Variants in ONECUT3 observed in about 807,000 individuals in gnomAD.
ONECUT3 encodes the protein one cut homeobox 3, also known as one cut domain family member 3.
Under a neutral mutation model 16.8 loss-of-function variants are expected in ONECUT3, and 11 were observed. That is an observed-to-expected ratio of 0.66 (90% CI 0.41 to 1.09). ONECUT3 has a LOEUF of 1.09. ONECUT3 is among the 50% of genes least tolerant of loss of function. The pLI, the probability that ONECUT3 is intolerant of heterozygous loss-of-function variation, is 0.00. For synonymous variants in ONECUT3, 344 were observed against 310.7 expected, an observed-to-expected ratio of 1.11 and a Z score of -1.13; for missense variants, 637 against 629.9, an observed-to-expected ratio of 1.01 and a Z score of -0.12.
rs148171398 is a variant in ONECUT3, at chr19:1,760,661, G to C, written c.1192+5807G>C. Among the ~76,000 whole-genome samples, 746 of 151,952 alleles carry C rather than the reference G, an allele frequency of 4.9e-3. 5 individuals are homozygous for C. The highest frequency in any genetic ancestry group is 0.017 in the African/African-American group (713 of 41,420). ...GACTCCCAGAGAGGATGGGCGGTGG[G>C]GGGGGGCCAGGTCCCAGCCTCATCG... On this transcript the variant is annotated intron_variant, in intron 1 of 1. Coordinates refer to ENST00000382349, the MANE Select transcript of ONECUT3 (RefSeq NM_001080488.2).
In ONECUT3 at chr19:1,778,010, A is replaced by AAC. The variant is rs1429585542; in HGVS notation, c.*2566_*2567insCA. On this transcript the variant is annotated 3_prime_UTR_variant, in exon 2 of 2. Coordinates refer to ENST00000382349, the MANE Select transcript of ONECUT3 (RefSeq NM_001080488.2). ...AACTCCCTCTCAAAAAAAAAAAAAA[A>AAC]AAAAAAAACTTTAGGTCCAAGAAGA... The AAC allele has an allele frequency of 1.3e-5, 2 of 151,736 alleles. No individual in the cohort carries two copies. Among genetic ancestry groups the AAC allele is most frequent in the African/African-American group, 4.8e-5 (2 of 41,288 alleles). The allele number at this position is 151,736 out of a possible 1,614,324, so 9.4% of individuals were successfully genotyped here. A position where few individuals can be genotyped will look rare whatever the true frequency, so the allele number is the denominator to read the frequency against.
chr19:1,757,135 G>A (rs374342826), intron 1 of ONECUT3, among the ~76,000 whole-genome samples: 2 of 142,340 alleles, frequency 1.4e-5, no homozygotes, highest in South Asian at 2.1e-4. Context: ...AGTCCCATGG[G>A]GGGGGGGTGG....
chr19:1,754,249 GGTCGCCGCT>G lies in ONECUT3; in HGVS notation c.598_606del (p.Ser200_Leu202del). The G allele has an allele frequency of 4.7e-6, 5 of 1,075,132 alleles. No individual in the cohort carries two copies. The highest frequency in any genetic ancestry group is 5.6e-6 in the Non-Finnish European group (5 of 890,074). 66.6% of individuals were successfully genotyped at this position (1,075,132 alleles called of 1,614,324 possible). On this transcript the variant is annotated inframe_deletion, in exon 1 of 2. Transcript: ENST00000382349. This position sits in a 1 kb window ranked among gnomAD's most constrained non-coding sequence, Gnocchi z 7.4. Reference sequence around the variant, plus strand: ...TACGGCAAGGAGCTGCCCGCCATGGGGTCGCCGCTGTCGCCGCTGCCCAACGCGCTGCCG... The same window carrying G: ...TACGGCAAGGAGCTGCCCGCCATGGGGTCGCCGCTGCCCAACGCGCTGCCG...
rs2068134193 is a variant in ONECUT3 at position 1,778,913 on chromosome 19, C to CACA, written c.*3468_*3469insACA. 5 of 149,306 alleles carry CACA rather than the reference C, an allele frequency of 3.3e-5. No homozygotes were observed. Among genetic ancestry groups the CACA allele is most frequent in the South Asian group, 2.1e-4 (1 of 4,712 alleles). The allele number at this position is 149,306 out of a possible 1,614,324, so 9.2% of individuals were successfully genotyped here. A position where few individuals can be genotyped will look rare whatever the true frequency, so the allele number is the denominator to read the frequency against. ...ACACACACACACACACACACACACA[C>CACA]CCCTACCTGTTTCCGGACCCCACCC... On this transcript the variant is annotated 3_prime_UTR_variant, in exon 2 of 2. Coordinates refer to ENST00000382349, the MANE Select transcript of ONECUT3 (RefSeq NM_001080488.2).
chr19:1,760,512 C>A (rs973574905), intron 1 of ONECUT3, among the ~76,000 whole-genome samples: 8 of 152,108 alleles, frequency 5.3e-5, no homozygotes, highest in African/African-American at 1.9e-4. Flanking sequence ...CACCTCCCCA[C>A]CCCACAGGAG....
chr19:1,757,719 G>A (rs982878090), intron 1 of ONECUT3, among the ~76,000 whole-genome samples: 1 of 152,232 alleles, frequency 6.6e-6, no homozygotes, highest in Non-Finnish European at 1.5e-5. Context: ...ACTAGGCTCC[G>A]GCCCAGGCCT....
intron 1 of ONECUT3, among the ~76,000 whole-genome samples, chr19:1,765,739 C>T (rs978384021): frequency 6.6e-6 from 1 of 152,206 alleles, no homozygotes; most frequent in African/African-American, 2.4e-5. Flanking sequence ...AACCAGGAAC[C>T]TGATGTCCAG....
rs1047171408 is a variant in ONECUT3 at position 1,778,808 on chromosome 19, CA to C, written c.*3372del. ...GCAACACAGCAAGACCCCACTTCTA[CA>C]AAAAAAAATAAATAAAGTGGCCCAG... On this transcript the variant is annotated 3_prime_UTR_variant, in exon 2 of 2. Coordinates refer to ENST00000382349, the MANE Select transcript of ONECUT3 (RefSeq NM_001080488.2). The C allele has an allele frequency of 2.2e-4, 32 of 148,174 alleles. No individual in the cohort carries two copies. The highest frequency in any genetic ancestry group is 6.4e-4 in the African/African-American group (26 of 40,384). The allele number at this position is 148,174 out of a possible 1,614,324, so 9.2% of individuals were successfully genotyped here. A position where few individuals can be genotyped will look rare whatever the true frequency, so the allele number is the denominator to read the frequency against.
In ONECUT3 at chr19:1,753,575, C is replaced by G; in HGVS notation, c.-88C>G. The G allele has an allele frequency of 7.2e-6, 3 of 416,776 alleles. No homozygotes were observed. Among genetic ancestry groups the G allele is most frequent in the Non-Finnish European group, 9.9e-6 (3 of 304,350 alleles). The allele number at this position is 416,776 out of a possible 1,614,324, so 25.8% of individuals were successfully genotyped here. On this transcript the variant is annotated 5_prime_UTR_variant, in exon 1 of 2. Transcript: ENST00000382349. ...CGCAGCCTGGCAGCCTCGCGCGCAG[C>G]CACCGGGGAGCGGGCGGGAGTCATG...
Position 1,775,781 on chromosome 19 carries a change from T to G in ONECUT3, c.*336T>G. 4.4e-6 allele frequency: 1 copy of G among 229,680 alleles called. No homozygotes were observed. Among genetic ancestry groups the G allele is most frequent in the Non-Finnish European group, 8.4e-6 (1 of 119,662 alleles). 14.2% of individuals were successfully genotyped at this position (229,680 alleles called of 1,614,324 possible). A position where few individuals can be genotyped will look rare whatever the true frequency, so the allele number is the denominator to read the frequency against. The stretch of plus-strand genomic sequence containing the variant: ...TCGAGAAAAACCAGGGCTCACTGTG[T>G]TGTCCCCTAAAGCGGGTCAAGAAGC... On this transcript the variant is annotated 3_prime_UTR_variant, in exon 2 of 2. Transcript: ENST00000382349.
At position 1,758,388 on chromosome 19, in the gene ONECUT3, C is replaced by G. The variant is rs1312051487; in HGVS notation, c.1192+3534C>G. 6.6e-6 allele frequency among the ~76,000 whole-genome samples: 1 copy of G among 151,828 alleles called. No homozygotes were observed. The highest frequency in any genetic ancestry group is 2.4e-5 in the African/African-American group (1 of 41,286). Reference sequence around the variant, plus strand: ...CTGGAGGCTGCCTCTGTGTCCACCCCCGCCCTCCCACAGCCCCCTCCTTCT... The same window carrying G: ...CTGGAGGCTGCCTCTGTGTCCACCCGCGCCCTCCCACAGCCCCCTCCTTCT... On this transcript the variant is annotated intron_variant, in intron 1 of 1. Coordinates refer to ENST00000382349, the MANE Select transcript of ONECUT3 (RefSeq NM_001080488.2). This position sits in a 1 kb window ranked among gnomAD's most constrained non-coding sequence, Gnocchi z 5.9.
intron 1 of ONECUT3, 27 bp from the exon 2 acceptor site, chr19:1,775,126 G>GGGCGCCCCCCCCC: frequency 8.7e-7 from 1 of 1,143,890 alleles, no homozygotes; most frequent in Non-Finnish European, 1.2e-6. Flanking sequence ...TGTCCCGCTC[G>GGGCGCCCCCCCCC]CCCGCCCGCC....
Position 1,768,898 on chromosome 19 carries a change from GGA to G in ONECUT3, c.1193-6253_1193-6252del, listed in dbSNP as rs1243397596. ...AGGTAGAGGTGGAGGTGGTGGAGGT[GGA>G]GGTGGTGGAGGTGGAGGTGGTGGAG... On this transcript the variant is annotated intron_variant, in intron 1 of 1. Transcript: ENST00000382349. 2.0e-5 allele frequency among the ~76,000 whole-genome samples: 3 copies of G among 151,140 alleles called. 1 individual carries two copies. The highest frequency in any genetic ancestry group is 1.3e-4 in the Admixed American group (2 of 15,186).
At chr19:1,774,401 CA>C (rs2068085215) in intron 1 of ONECUT3, among the ~76,000 whole-genome samples, 1 of 139,452 alleles carries the variant, frequency 7.2e-6, no homozygotes, top group Non-Finnish European at 1.5e-5. Context: ...GGCAACATAG[CA>C]AGACTTCCCC....
At chr19:1,770,336 C>G (rs1219007646) in intron 1 of ONECUT3, among the ~76,000 whole-genome samples, 1 of 152,098 alleles carries the variant, frequency 6.6e-6, no homozygotes, top group Non-Finnish European at 1.5e-5. Context: ...ACTTGGGAGG[C>G]TGAGGTGGAA....
Position 1,754,221 on chromosome 19 carries a change from C to A in ONECUT3, c.559C>A (p.Pro187Thr). 4 of 1,130,188 alleles carry A rather than the reference C, an allele frequency of 3.5e-6. No individual in the cohort carries two copies. Among genetic ancestry groups the A allele is most frequent in the Non-Finnish European group, 3.3e-6 (3 of 917,494 alleles). The allele number at this position is 1,130,188 out of a possible 1,614,324, so 70.0% of individuals were successfully genotyped here. A position where few individuals can be genotyped will look rare whatever the true frequency, so the allele number is the denominator to read the frequency against. ...ALASVGHLYGPYGKELPAMGS... is the reference protein window; with the variant it reads ...ALASVGHLYGTYGKELPAMGS... ...CGCCTCCGTGGGCCACCTCTACGGACCCTACGGCAAGGAGCTGCCCGCCAT... is the reference window on the plus strand; with the variant it reads ...CGCCTCCGTGGGCCACCTCTACGGAACCTACGGCAAGGAGCTGCCCGCCAT... The change falls in exon 1 of 2, where the codon CCC becomes ACC. Residue 187 changes from proline (P) to threonine (T), a missense_variant. Physicochemically the swap from Pro to Thr is conservative, Grantham distance 38. Coordinates refer to ENST00000382349, the MANE Select transcript of ONECUT3 (RefSeq NM_001080488.2). This position sits in a 1 kb window ranked among gnomAD's most constrained non-coding sequence, Gnocchi z 7.4.
Position 1,766,354 on chromosome 19 carries a change from AG to A in ONECUT3, c.1193-8795del, listed in dbSNP as rs2067989358. Among the ~76,000 whole-genome samples, 1 of 151,954 alleles carries A rather than the reference AG, an allele frequency of 6.6e-6. No individual in the cohort carries two copies. The highest frequency in any genetic ancestry group is 2.4e-5 in the African/African-American group (1 of 41,538). ...CAGAGGCACCCACGGGCCCGCCTTC[AG>A]GGGCGAGGCGGATGCTGCATCCTGA... On this transcript the variant is annotated intron_variant, in intron 1 of 1. Transcript: ENST00000382349. This position sits in a 1 kb window ranked among gnomAD's most constrained non-coding sequence, Gnocchi z 4.0.
At chr19:1,771,326 C>T (rs930782087) in intron 1 of ONECUT3, among the ~76,000 whole-genome samples, 1 of 152,064 alleles carries the variant, frequency 6.6e-6, no homozygotes. Context: ...TTTTATTTAC[C>T]TCCTCGTTTG....
At position 1,775,425 on chromosome 19, in the gene ONECUT3, G is replaced by T; in HGVS notation, c.1465G>T (p.Ala489Ser). ...TAPGGPAGAT[A>S]TFSKA ...CCCCGGGGGCCCCGCCGGCGCCACG[G>T]CCACTTTCTCCAAGGCCTGAGGCGC... is the stretch of plus-strand genomic sequence containing the variant. The change falls in exon 2 of 2, where the codon GCC becomes TCC. Residue 489 changes from alanine to serine, a missense_variant. This residue lies in a region of ONECUT3 where 183 missense variants were observed against 188.3 expected (regional missense o/e 0.97). Coordinates refer to ENST00000382349, the MANE Select transcript of ONECUT3 (RefSeq NM_001080488.2). The T allele has an allele frequency of 2.6e-6, 4 of 1,525,874 alleles. No individual in the cohort carries two copies. The highest frequency in any genetic ancestry group is 3.5e-6 in the Non-Finnish European group (4 of 1,138,432). The allele number at this position is 1,525,874 out of a possible 1,614,324, so 94.5% of individuals were successfully genotyped here.
Sources: gnomAD v4.1 joint callset for allele counts (sites outside exome capture counted in the v4.1 genomes callset) on GRCh38, gnomAD v4.1.1 for gene constraint, gnomAD v4.1.1 regional missense constraint, Gnocchi (gnomAD v3.1) non-coding constraint, MANE v1.5 for transcripts, NCBI Gene and HGNC (gene_info 2026-07-23, HGNC 2026-07-21) for gene names.